Variants in STXBP5L observed in about 807,000 individuals in gnomAD.
STXBP5L encodes the protein syntaxin-binding protein 5-like.
In STXBP5L, 65 loss-of-function variants were observed where a neutral mutation model predicts 144.5. The ratio of observed to expected loss-of-function variants is 0.45; its 90% CI spans 0.37 to 0.55. The LOEUF (loss-of-function observed/expected upper bound fraction) is 0.55, where lower values mean the gene tolerates loss of function less well. STXBP5L is among the 20% of genes least tolerant of loss of function. The pLI is 0.00. For missense variants in STXBP5L, 1,298 were observed against 1,405.5 expected (o/e 0.92, Z 1.22); for synonymous variants, 505 against 469.6 (o/e 1.08, Z -0.97).
rs768467703 is a variant in STXBP5L, at chr3:121,121,713, TATG to T, written c.669+12_669+14del. ...CAAGAGATGAAGGCAAAGTGAGTAT[TATG>T]ATATCTTTATTATTAGTTTTATTTT... On this transcript the variant is annotated intron_variant, in intron 7 of 26. Transcript: ENST00000471454. 31 of 1,577,948 alleles carry T rather than the reference TATG, an allele frequency of 2.0e-5. No homozygotes were observed. Among genetic ancestry groups the T allele is most frequent in the Non-Finnish European group, 2.6e-5 (30 of 1,151,198 alleles).
chr3:121,085,173 T>A (rs1232479290), intron 5 of STXBP5L, among the ~76,000 whole-genome samples: 1 of 152,208 alleles, frequency 6.6e-6, no homozygotes, highest in Admixed American at 6.5e-5. Flanking sequence ...GGTTTTCTGT[T>A]CATGCTGATG....
chr3:121,406,932 T>C (rs1397455413), intron 22 of STXBP5L, among the ~76,000 whole-genome samples: 1 of 151,898 alleles, frequency 6.6e-6, no homozygotes, highest in East Asian at 1.9e-4. Context: ...AAAATCTGAG[T>C]TCTAATCTAG....
chr3:121,358,169 G>C (rs1219363897), intron 20 of STXBP5L, among the ~76,000 whole-genome samples: 1 of 152,182 alleles, frequency 6.6e-6, no homozygotes, highest in South Asian at 2.1e-4. Flanking sequence ...ATTATTGACT[G>C]TAGTCACCCT....
chr3:121,370,663 C>G (rs1447325170), intron 20 of STXBP5L, among the ~76,000 whole-genome samples: 3 of 152,192 alleles, frequency 2.0e-5, no homozygotes, highest in East Asian at 1.9e-4. Flanking sequence ...GATTCAGTCT[C>G]TTTGCATAAT....
chr3:120,909,849 A>T, intron 2 of STXBP5L, 82 bp downstream of exon 2: 1 of 1,381,178 alleles, frequency 7.2e-7, no homozygotes, highest in Non-Finnish European at 9.8e-7. Context: ...CATACCAGGA[A>T]CAGGAAACTG....
At chr3:121,237,943 C>T (rs563718773) in intron 12 of STXBP5L, among the ~76,000 whole-genome samples, 1 of 152,232 alleles carries the variant, frequency 6.6e-6, no homozygotes, top group African/African-American at 2.4e-5. Flanking sequence ...CCTTTTCTGC[C>T]CATATTTCTG....
At chr3:121,377,762 C>T (rs761944187) in intron 20 of STXBP5L, among the ~76,000 whole-genome samples, 12 of 152,248 alleles carry the variant, frequency 7.9e-5, no homozygotes, top group South Asian at 4.1e-4. Context: ...AACAGTGTGG[C>T]GATTCCTCAA....
chr3:121,303,944 G>A (rs956247082), intron 19 of STXBP5L, among the ~76,000 whole-genome samples: 2 of 151,758 alleles, frequency 1.3e-5, no homozygotes, highest in African/African-American at 4.8e-5. Flanking sequence ...TGAGTTAATG[G>A]GTGCAGCACA....
At chr3:121,277,001 C>T (rs1657448801) in intron 18 of STXBP5L, among the ~76,000 whole-genome samples, 1 of 151,808 alleles carries the variant, frequency 6.6e-6, no homozygotes, top group African/African-American at 2.4e-5. Flanking sequence ...TTTTAAAGAT[C>T]TCATTTCATT....
chr3:120,992,087 CA>C (rs1409867193), intron 3 of STXBP5L, among the ~76,000 whole-genome samples: 2 of 152,058 alleles, frequency 1.3e-5, no homozygotes, highest in Admixed American at 6.6e-5. Flanking sequence ...TTGTAGAGAA[CA>C]TTTTTTTGGA....
At chr3:121,043,252 A>C (rs1217543624) in intron 4 of STXBP5L, among the ~76,000 whole-genome samples, 1 of 152,016 alleles carries the variant, frequency 6.6e-6, no homozygotes, top group Non-Finnish European at 1.5e-5. Context: ...GCATTTTCAC[A>C]GATCTTTATA....
At chr3:121,211,557 A>G (rs1229101719) in intron 10 of STXBP5L, among the ~76,000 whole-genome samples, 3 of 130,126 alleles carry the variant, frequency 2.3e-5, no homozygotes, top group African/African-American at 8.6e-5. Context: ...AGCATCTCTT[A>G]TTTCCTGACT....
At chr3:120,971,780 G>GTATA (rs3039621) in intron 3 of STXBP5L, among the ~76,000 whole-genome samples, 49 of 149,384 alleles carry the variant, frequency 3.3e-4, no homozygotes, top group Admixed American at 2.6e-3. Flanking sequence ...ATATGTGTAT[G>GTATA]TATATATATA....
At chr3:121,110,544 A>G (rs2043932853) in intron 5 of STXBP5L, among the ~76,000 whole-genome samples, 1 of 152,028 alleles carries the variant, frequency 6.6e-6, no homozygotes, top group Non-Finnish European at 1.5e-5. Flanking sequence ...TAAAATTGTT[A>G]AATATTGGCC....
chr3:121,163,152 CAA>C (rs1348088551), intron 9 of STXBP5L, among the ~76,000 whole-genome samples: 3 of 152,140 alleles, frequency 2.0e-5, no homozygotes, highest in African/African-American at 7.2e-5. Flanking sequence ...TTCACAATAG[CAA>C]AGACTTGGAA....
intron 20 of STXBP5L, among the ~76,000 whole-genome samples, chr3:121,356,739 A>G (rs3845855): frequency 0.78 from 118,736 of 152,210 alleles, 46,553 homozygotes; most frequent in East Asian, 0.93. Flanking sequence ...AAGTACCTCA[A>G]TAGGAAATGC....
intron 5 of STXBP5L, among the ~76,000 whole-genome samples, chr3:121,062,748 C>T (rs2041346592): frequency 6.6e-6 from 1 of 152,148 alleles, no homozygotes; most frequent in South Asian, 2.1e-4. Flanking sequence ...TGCTGTATTT[C>T]ATTAAGTTGC....
intron 22 of STXBP5L, among the ~76,000 whole-genome samples, chr3:121,385,814 A>G (rs1282793831): frequency 6.6e-6 from 1 of 152,108 alleles, no homozygotes; most frequent in African/African-American, 2.4e-5. Context: ...CCAGCATTCA[A>G]TTCCATTAAA....
chr3:121,115,203 C>A, intron 6 of STXBP5L, 144 bp downstream of exon 6: 1 of 773,018 alleles, frequency 1.3e-6, no homozygotes, highest in Admixed American at 3.9e-5. Context: ...TAACTTAAAG[C>A]CATAAAAGCT....
Sources: gnomAD v4.1 joint callset for allele counts (sites outside exome capture counted in the v4.1 genomes callset) on GRCh38, gnomAD v4.1.1 for gene constraint, MANE v1.5 for transcripts, NCBI Gene and HGNC (gene_info 2026-07-23, HGNC 2026-07-21) for gene names.